The following USH2A variants were observed in gnomAD, a reference collection of about 807,000 sequenced individuals.
The protein encoded by USH2A is Usher syndrome 2A (autosomal recessive, mild).
In USH2A, 443 loss-of-function variants were observed where a neutral mutation model predicts 538.9. The observed-to-expected ratio is 0.82, with a 90% CI of 0.76 to 0.89. The LOEUF is 0.89. Ranked by LOEUF, USH2A falls within the 40% of genes least tolerant of loss-of-function variation. The pLI is 0.00. For synonymous variants in USH2A, 2,413 were observed against 2,273.5 expected, an observed-to-expected ratio of 1.06 and a Z score of -1.75; for missense variants, 6,633 against 6,324.8, an observed-to-expected ratio of 1.05 and a Z score of -1.65.
chr1:216,147,234 G>T (rs989533053), intron 21 of USH2A, among the ~76,000 whole-genome samples: 30 of 151,620 alleles, frequency 2.0e-4, no homozygotes, highest in Non-Finnish European at 3.4e-4. Flanking sequence ...GTTGTTCCTC[G>T]CCAGGCCGAG....
intron 47 of USH2A, among the ~76,000 whole-genome samples, chr1:215,818,678 G>A (rs1014680288): frequency 4.0e-5 from 6 of 151,752 alleles, no homozygotes; most frequent in Non-Finnish European, 8.8e-5. Context: ...TGTAGCAAAT[G>A]AGGTCATAAC....
intron 43 of USH2A, among the ~76,000 whole-genome samples, chr1:215,867,634 C>T (rs1349161324): frequency 1.3e-5 from 2 of 152,178 alleles, no homozygotes; most frequent in African/African-American, 4.8e-5. Context: ...CTTCCGATAC[C>T]TATGCTTCTT....
intron 31 of USH2A, among the ~76,000 whole-genome samples, chr1:216,047,430 A>G (rs2030571089): frequency 6.6e-6 from 1 of 152,158 alleles, no homozygotes; most frequent in African/African-American, 2.4e-5. Context: ...CAATGATACA[A>G]CAAAAACAGT....
chr1:216,233,666 C>T (rs2035748006), intron 13 of USH2A, among the ~76,000 whole-genome samples: 1 of 151,960 alleles, frequency 6.6e-6, no homozygotes, highest in South Asian at 2.1e-4. Flanking sequence ...CTTTAGCTTA[C>T]CTCTAAAACT....
chr1:215,968,967 A>T (rs1667427011), intron 36 of USH2A, among the ~76,000 whole-genome samples: 1 of 152,222 alleles, frequency 6.6e-6, no homozygotes, highest in African/African-American at 2.4e-5. Flanking sequence ...CATTAAAAGA[A>T]TCATCAACAA....
At chr1:215,972,805 G>T (rs969894866) in intron 35 of USH2A, among the ~76,000 whole-genome samples, 1 of 152,046 alleles carries the variant, frequency 6.6e-6, no homozygotes, top group Non-Finnish European at 1.5e-5. Context: ...AAAAGATGTG[G>T]CTGCCAGTAT....
chr1:216,350,169 T>C (rs1164601423), intron 4 of USH2A, among the ~76,000 whole-genome samples: 1 of 152,042 alleles, frequency 6.6e-6, no homozygotes, highest in Non-Finnish European at 1.5e-5. Context: ...CAATAAATCA[T>C]TCATGAAAAA....
At chr1:215,853,441 C>T (rs80082929) in intron 44 of USH2A, among the ~76,000 whole-genome samples, 5,124 of 152,278 alleles carry the variant, frequency 0.034, 160 homozygotes, top group East Asian at 0.15. Flanking sequence ...CTCTGACATG[C>T]CCTGGAGACA....
At chr1:216,129,956 G>A (rs182308351) in intron 21 of USH2A, among the ~76,000 whole-genome samples, 4 of 152,176 alleles carry the variant, frequency 2.6e-5, no homozygotes, top group South Asian at 4.2e-4. Context: ...ATACCTTAGG[G>A]AGAATACAGT....
intron 32 of USH2A, among the ~76,000 whole-genome samples, chr1:216,039,037 A>G (rs1289879531): frequency 6.6e-6 from 1 of 152,030 alleles, no homozygotes; most frequent in Admixed American, 6.6e-5. Context: ...ATTTCTTCAC[A>G]TACGGGTGCA....
Position 216,085,343 on chromosome 1 carries a change from T to C in USH2A, c.4988-466A>G, listed in dbSNP as rs935897709. Among the ~76,000 whole-genome samples, 4 of 152,230 alleles carry C rather than the reference T, an allele frequency of 2.6e-5. No homozygotes were observed. The South Asian group carries it at 8.3e-4, about 32-fold the overall frequency. The stretch of plus-strand genomic sequence containing the variant: ...TTGGGAAATGTATATAGTGTTGATC[T>C]TGAATGTGGAACTCTCCAGACCAGG... On this transcript the variant is annotated intron_variant, in intron 24 of 71. Coordinates refer to ENST00000307340, the MANE Select transcript of USH2A (RefSeq NM_206933.4).
rs1332203922 is a variant in USH2A at position 215,799,043 on chromosome 1, G to A, written c.9822C>T (p.Ser3274=). ...GDSCCGRMPY[S]TSGNQICCAG... The stretch of plus-strand genomic sequence containing the variant: ...CACAGCAAATCTGGTTTCCTGAGGT[G>A]GAGTACGGCATTCTGCCACAGCAGG... Residue 3274 remains serine (S), a synonymous_variant, in exon 50 of 72, where the codon TCC becomes TCT. Transcript: ENST00000307340. The A allele has an allele frequency of 6.2e-7, 1 of 1,613,960 alleles. No homozygotes were observed. The highest frequency in any genetic ancestry group is 1.7e-5 in the Admixed American group (1 of 59,972).
chr1:215,651,314 C>T (rs1657073852), intron 64 of USH2A, among the ~76,000 whole-genome samples: 1 of 152,028 alleles, frequency 6.6e-6, no homozygotes, highest in African/African-American at 2.4e-5. Context: ...AAAAGGTTGC[C>T]TTAGGTCGTC....
At chr1:216,028,160 G>A (rs1474760787) in intron 32 of USH2A, among the ~76,000 whole-genome samples, 1 of 152,070 alleles carries the variant, frequency 6.6e-6, no homozygotes, top group African/African-American at 2.4e-5. Flanking sequence ...AGCCAAGGTG[G>A]GCGGAATACT....
intron 21 of USH2A, among the ~76,000 whole-genome samples, chr1:216,099,167 G>A (rs896922480): frequency 2.6e-5 from 4 of 152,070 alleles, no homozygotes; most frequent in Admixed American, 6.5e-5. Context: ...CATCTTCTAC[G>A]TTTTATGCTC....
At position 216,370,367 on chromosome 1, in the gene USH2A, G is replaced by C. The variant is rs572678594; in HGVS notation, c.652-5282C>G. On this transcript the variant is annotated intron_variant, in intron 3 of 71. Transcript: ENST00000307340. Reference sequence around the variant, plus strand: ...CAGAGTGAGACTCTATCCAAAAAAAGAAAAAAAAGAAAAAAAGAATAGCTT... The same window carrying C: ...CAGAGTGAGACTCTATCCAAAAAAACAAAAAAAAGAAAAAAAGAATAGCTT... Among the ~76,000 whole-genome samples, 4 of 147,532 alleles carry C rather than the reference G, an allele frequency of 2.7e-5. No homozygotes were observed. The South Asian group carries it at 8.7e-4, about 32-fold the overall frequency.
chr1:215,955,337 G>T (rs138996811), intron 37 of USH2A, among the ~76,000 whole-genome samples: 1 of 152,082 alleles, frequency 6.6e-6, no homozygotes, highest in African/African-American at 2.4e-5. Context: ...ACCATCATTC[G>T]TATAAATTTA....
chr1:216,125,872 A>G (rs1395345132), intron 21 of USH2A, among the ~76,000 whole-genome samples: 1 of 152,190 alleles, frequency 6.6e-6, no homozygotes, highest in Non-Finnish European at 1.5e-5. Context: ...CCTTAATTCA[A>G]TTAGCTGTCT....
intron 35 of USH2A, among the ~76,000 whole-genome samples, chr1:215,982,235 G>T (rs929831592): frequency 3.3e-5 from 5 of 152,280 alleles, no homozygotes; most frequent in African/African-American, 4.8e-5. Flanking sequence ...TGCCCTGGTG[G>T]CCTGACAGTT....
Sources: allele counts gnomAD v4.1 joint callset (sites outside exome capture counted in the v4.1 genomes callset), GRCh38; gene constraint gnomAD v4.1.1; transcripts MANE v1.5; gene names NCBI Gene and HGNC (gene_info 2026-07-23, HGNC 2026-07-21).